ATXN7: variants seen among roughly 807,000 people sequenced by gnomAD.
ATXN7 encodes ataxin-7.
In ATXN7, 12 loss-of-function variants were observed where a neutral mutation model predicts 70.5. That is an observed-to-expected ratio of 0.17 (90% CI 0.11 to 0.28). ATXN7 has a LOEUF of 0.28. Among genes scored for constraint, ATXN7 ranks in the 10% least tolerant of loss-of-function variants. ATXN7 has a pLI of 1.00. For synonymous variants in ATXN7, 498 were observed against 448.7 expected (o/e 1.11, Z -1.39); for missense variants, 1,256 against 1,131.7 (o/e 1.11, Z -1.58).
intron 5 of ATXN7, among the ~76,000 whole-genome samples, chr3:63,965,805 G>A (rs2075212572): frequency 6.6e-6 from 1 of 152,200 alleles, no homozygotes; most frequent in South Asian, 2.1e-4. Context: ...GGGCATTAAG[G>A]GGGCACATGT....
intron 11 of ATXN7, 68 bp from the exon 12 acceptor site, chr3:63,995,437 G>A (rs2075741325): frequency 3.9e-6 from 6 of 1,544,376 alleles, no homozygotes; most frequent in East Asian, 2.3e-5. Context: ...CAAAGAGGGT[G>A]GTGCCATCTG....
At chr3:63,943,571 C>T (rs932832294) in intron 4 of ATXN7, among the ~76,000 whole-genome samples, 9 of 152,092 alleles carry the variant, frequency 5.9e-5, no homozygotes, top group Admixed American at 5.9e-4. Flanking sequence ...TCGTGTAGTC[C>T]TCCTAGTAGT....
chr3:63,867,438 A>C (rs1702466505), intron 1 of ATXN7, among the ~76,000 whole-genome samples: 1 of 152,178 alleles, frequency 6.6e-6, no homozygotes, highest in South Asian at 2.1e-4. Flanking sequence ...TCCTGGGCTC[A>C]AGTGATCCTC....
At chr3:63,954,397 A>G (rs1479039406) in intron 5 of ATXN7, among the ~76,000 whole-genome samples, 1 of 152,218 alleles carries the variant, frequency 6.6e-6, no homozygotes. Flanking sequence ...ACCATTGGCC[A>G]GAACTGATGT....
chr3:63,973,793 A>G (rs1422899040), intron 5 of ATXN7, among the ~76,000 whole-genome samples: 1 of 152,042 alleles, frequency 6.6e-6, no homozygotes, highest in African/African-American at 2.4e-5. Context: ...TAATTCCCCC[A>G]TGTGGCTGGT....
chr3:63,932,296 C>A (rs2074562346), intron 4 of ATXN7, among the ~76,000 whole-genome samples: 1 of 152,148 alleles, frequency 6.6e-6, no homozygotes, highest in Non-Finnish European at 1.5e-5. Flanking sequence ...ATTTTGGCTG[C>A]ATTAAAAGTT....
intron 5 of ATXN7, among the ~76,000 whole-genome samples, chr3:63,965,654 A>G (rs1390985053): frequency 6.6e-6 from 1 of 152,226 alleles, no homozygotes; most frequent in Non-Finnish European, 1.5e-5. Context: ...AGACCTAGAC[A>G]ATTAACGTCT....
At chr3:63,931,930 C>T (rs1189570797) in intron 4 of ATXN7, among the ~76,000 whole-genome samples, 2 of 152,140 alleles carry the variant, frequency 1.3e-5, no homozygotes, top group Non-Finnish European at 2.9e-5. Flanking sequence ...GATTCTCAAA[C>T]TGGGGTTATT....
At chr3:63,968,509 T>C (rs1227256051) in intron 5 of ATXN7, 1 of 152,346 alleles carries the variant, frequency 6.6e-6, no homozygotes, top group African/African-American at 2.4e-5. Flanking sequence ...TCCTGTAGAA[T>C]GTGTTTGAAA....
At chr3:63,952,832 G>T (rs989510304) in intron 5 of ATXN7, among the ~76,000 whole-genome samples, 2 of 89,298 alleles carry the variant, frequency 2.2e-5, no homozygotes, top group African/African-American at 5.9e-5. Context: ...TGGATGCATG[G>T]GCCTTTTTTT....
intron 5 of ATXN7, among the ~76,000 whole-genome samples, chr3:63,959,329 G>A (rs1273185760): frequency 6.6e-6 from 1 of 152,134 alleles, no homozygotes; most frequent in African/African-American, 2.4e-5. Context: ...CTTGTACCAG[G>A]TCTTTCTCCA....
intron 8 of ATXN7, among the ~76,000 whole-genome samples, chr3:63,986,051 A>G (rs184355151): frequency 3.2e-4 from 48 of 152,352 alleles, no homozygotes; most frequent in African/African-American, 1.2e-3. Flanking sequence ...TGCCATAGGA[A>G]CATTGGGCTG....
intron 5 of ATXN7, chr3:63,968,002 G>A: frequency 6.6e-7 from 1 of 1,520,860 alleles, no homozygotes; most frequent in Non-Finnish European, 8.8e-7. Flanking sequence ...AGTTTTCAGA[G>A]TCTGGGCTTG....
chr3:63,990,160 C>T lies in ATXN7; in HGVS notation c.1362-16C>T, dbSNP rs751022022. ...GGTGTGTGATCTGATCCGTGCTGCA[C>T]TTTCTACTCACCAAGGCCTCCAGGC... On this transcript the variant is annotated splice_polypyrimidine_tract_variant and intron_variant, in intron 9 of 12. Coordinates refer to ENST00000674280, the MANE Select transcript of ATXN7 (RefSeq NM_001377405.1). 1 of 1,612,098 alleles carries T rather than the reference C, an allele frequency of 6.2e-7. No individual in the cohort carries two copies. The highest frequency in any genetic ancestry group is 1.1e-5 in the South Asian group (1 of 90,970).
At chr3:63,882,900 G>T (rs1422428976) in intron 1 of ATXN7, among the ~76,000 whole-genome samples, 1 of 152,196 alleles carries the variant, frequency 6.6e-6, no homozygotes, top group Non-Finnish European at 1.5e-5. Flanking sequence ...ACATGAGCCA[G>T]TACTTAAAGA....
At chr3:63,910,816 T>C (rs983378899) in intron 2 of ATXN7, among the ~76,000 whole-genome samples, 3 of 152,140 alleles carry the variant, frequency 2.0e-5, no homozygotes, top group African/African-American at 7.2e-5. Context: ...TAAATCTTTC[T>C]AAAATAAAAA....
At chr3:63,952,826 T>C (rs182219651) in intron 5 of ATXN7, among the ~76,000 whole-genome samples, 1 of 139,614 alleles carries the variant, frequency 7.2e-6, no homozygotes, top group Admixed American at 7.2e-5. Context: ...ACAATATGGA[T>C]GCATGGGCCT....
chr3:63,950,110 A>G (rs543964132), intron 4 of ATXN7, among the ~76,000 whole-genome samples: 44 of 152,054 alleles, frequency 2.9e-4, no homozygotes, highest in African/African-American at 1.0e-3. Context: ...GGTTCCTTAC[A>G]GGATAACCCC....
chr3:63,942,676 G>A (rs1408205636), intron 4 of ATXN7, among the ~76,000 whole-genome samples: 1 of 152,214 alleles, frequency 6.6e-6, no homozygotes, highest in Non-Finnish European at 1.5e-5. Context: ...CTACAGACCA[G>A]TAGAGATTGA....
Sources: gnomAD v4.1 joint callset for allele counts (sites outside exome capture counted in the v4.1 genomes callset) on GRCh38, gnomAD v4.1.1 for gene constraint, MANE v1.5 for transcripts, NCBI Gene and HGNC (gene_info 2026-07-23, HGNC 2026-07-21) for gene names.